The following ZNF749 variants were observed in gnomAD, a reference collection of about 807,000 sequenced individuals.
ZNF749 encodes the protein zinc finger protein 749.
Under a neutral mutation model 7.3 loss-of-function variants are expected in ZNF749, and 8 were observed. That is an observed-to-expected ratio of 1.10 (90% CI 0.64 to 1.98). ZNF749 has a LOEUF of 1.98. Among genes scored for constraint, ZNF749 ranks in the 30% most tolerant of loss-of-function variants. The pLI is 0.00. For synonymous variants in ZNF749, 310 were observed against 322.4 expected, an observed-to-expected ratio of 0.96 and a Z score of 0.41; for missense variants, 898 against 932.4, an observed-to-expected ratio of 0.96 and a Z score of 0.48.
chr19:57,433,618 CTT>C (rs1173115391), upstream of ZNF749, among the ~76,000 whole-genome samples: 56 of 136,062 alleles, frequency 4.1e-4, no homozygotes, highest in Admixed American at 5.2e-4. Context: ...TTAATTTTTC[CTT>C]TTTTTTTTTT....
rs187071753 is a variant in ZNF749 at position 57,445,671 on chromosome 19, G to A, written c.*186G>A. On this transcript the variant is annotated 3_prime_UTR_variant, in exon 3 of 3. Transcript: ENST00000334181. ...TGTCCAGGCGTGGTGGCTCACGCCT[G>A]TAATCCCAGCACTTTGGGAGGCAGA... 29 of 599,932 alleles carry A rather than the reference G, an allele frequency of 4.8e-5. No homozygotes were observed. In the East Asian group the frequency reaches 3.5e-3, roughly 73 times the overall value. 37.2% of individuals were successfully genotyped at this position (599,932 alleles called of 1,614,324 possible).
chr19:57,437,653 G>A (rs1018599387), intron 1 of ZNF749, among the ~76,000 whole-genome samples: 1 of 151,694 alleles, frequency 6.6e-6, no homozygotes, highest in Non-Finnish European at 1.5e-5. Context: ...GAACCCGGGA[G>A]GTGGAGGTTC....
At position 57,445,833 on chromosome 19, in the gene ZNF749, GCAGGGAGCAT is replaced by G. The variant is rs375127646; in HGVS notation, c.*351_*360del. ...AATCCCAGCTATTCAGGGGACTGAGGCAGGGAGCATCACTTGAACCTGGGAGGCGGAGGTT... is the reference window on the plus strand; with the variant it reads ...AATCCCAGCTATTCAGGGGACTGAGGCACTTGAACCTGGGAGGCGGAGGTT... On this transcript the variant is annotated 3_prime_UTR_variant, in exon 3 of 3. Transcript: ENST00000334181. Among the ~76,000 whole-genome samples the G allele has an allele frequency of 1.7e-4, 26 of 152,292 alleles. No individual in the cohort carries two copies. In the South Asian group the frequency reaches 3.7e-3, roughly 22 times the overall value.
At chr19:57,438,244 C>T (rs146680531) in intron 1 of ZNF749, 3 of 392,890 alleles carry the variant, frequency 7.6e-6, no homozygotes, top group African/African-American at 4.1e-5. Flanking sequence ...AAGGCAGTCA[C>T]GACCCAGGCA....
rs182109942 is a variant in ZNF749, at chr19:57,445,018, C to A, written c.1870C>A (p.Arg624Ser). ...CSKCGKFFRY[R>S]CTLSRHQKVH... ...CAAATGTGGGAAATTCTTTAGATATCGCTGTACACTGAGTAGACATCAGAA... is the reference window on the plus strand; with the variant it reads ...CAAATGTGGGAAATTCTTTAGATATAGCTGTACACTGAGTAGACATCAGAA... Residue 624 changes from arginine (R) to serine (S), a missense_variant, in exon 3 of 3, where the codon CGC (arginine) becomes AGC (serine). Coordinates refer to ENST00000334181, the MANE Select transcript of ZNF749 (RefSeq NM_001023561.4). 9 of 1,613,966 alleles carry A rather than the reference C, an allele frequency of 5.6e-6. No homozygotes were observed. The East Asian group carries it at 2.0e-4, about 36-fold the overall frequency.
In ZNF749 at chr19:57,443,454, C is replaced by T. The variant is rs368642630; in HGVS notation, c.306C>T (p.His102=). The T allele has an allele frequency of 2.2e-5, 36 of 1,614,098 alleles. No individual in the cohort carries two copies. Among genetic ancestry groups the T allele is most frequent in the South Asian group, 2.2e-4 (20 of 91,086 alleles). Residue 102 remains histidine (H), a synonymous_variant, in exon 3 of 3, where the codon CAC becomes CAT. Coordinates refer to ENST00000334181, the MANE Select transcript of ZNF749 (RefSeq NM_001023561.4). The part of the protein sequence containing the change: ...ILKDILHLAE[H]DGTHPEQGLY... ...AGGACATTCTGCACCTGGCTGAGCACGATGGAACACACCCTGAGCAAGGGC... is the reference window on the plus strand; with the variant it reads ...AGGACATTCTGCACCTGGCTGAGCATGATGGAACACACCCTGAGCAAGGGC...
upstream of ZNF749, among the ~76,000 whole-genome samples, chr19:57,435,107 A>G (rs930924476): frequency 6.6e-6 from 1 of 151,868 alleles, no homozygotes; most frequent in Admixed American, 6.6e-5. Flanking sequence ...ACGCTCCTCC[A>G]GGAGCCTCCA....
chr19:57,435,057 C>T (rs551119710), upstream of ZNF749, among the ~76,000 whole-genome samples: 142 of 152,338 alleles, frequency 9.3e-4, no homozygotes, highest in Non-Finnish European at 1.6e-3. Context: ...GTCAGCAAAG[C>T]CCCTCCACGT....
At chr19:57,433,618 CTTT>C (rs1173115391), upstream of ZNF749, among the ~76,000 whole-genome samples, 1 of 136,232 alleles carries the variant, frequency 7.3e-6, no homozygotes, top group Non-Finnish European at 1.6e-5. Context: ...TTAATTTTTC[CTTT>C]TTTTTTTTTT....
chr19:57,444,575 T>C lies in ZNF749; in HGVS notation c.1427T>C (p.Ile476Thr). ...KRSDLIQHKR[I>T]DIRPRPYTCS... Reference sequence around the variant, plus strand: ...TCTGACCTCATTCAACACAAGAGGATTGACATTAGGCCAAGGCCTTATACA... The same window carrying C: ...TCTGACCTCATTCAACACAAGAGGACTGACATTAGGCCAAGGCCTTATACA... Residue 476 changes from isoleucine to threonine, a missense_variant, in exon 3 of 3, where the codon ATT becomes ACT. Physicochemically the swap from Ile to Thr is moderately conservative, Grantham distance 89. Transcript: ENST00000334181. 1 of 1,613,364 alleles carries C rather than the reference T, an allele frequency of 6.2e-7. No individual in the cohort carries two copies. The highest frequency in any genetic ancestry group is 1.1e-5 in the South Asian group (1 of 91,030).
In ZNF749 at chr19:57,444,983, A is replaced by G. The variant is rs2089044682; in HGVS notation, c.1835A>G (p.Tyr612Cys). The G allele has an allele frequency of 6.2e-7, 1 of 1,614,222 alleles. No individual in the cohort carries two copies. Among genetic ancestry groups the G allele is most frequent in the Non-Finnish European group, 8.5e-7 (1 of 1,180,022 alleles). The change falls in exon 3 of 3, where the codon TAT (tyrosine) becomes TGT (cysteine). Residue 612 changes from tyrosine to cysteine, a missense_variant. Tyr to Cys is a radical substitution (Grantham distance 194). Coordinates refer to ENST00000334181, the MANE Select transcript of ZNF749 (RefSeq NM_001023561.4). Reference sequence around the variant, plus strand: ...AGAATTCACACTGGAGAAAAGCCTTATAAATGCAGCAAATGTGGGAAATTC... The same window carrying G: ...AGAATTCACACTGGAGAAAAGCCTTGTAAATGCAGCAAATGTGGGAAATTC... ...HQRIHTGEKP[Y>C]KCSKCGKFFR...
At position 57,443,542 on chromosome 19, in the gene ZNF749, A is replaced by G. The variant is rs142339196; in HGVS notation, c.394A>G (p.Arg132Gly). ...QKEQIREKLTRSDEWRPSFVN... is the reference protein window; with the variant it reads ...QKEQIREKLTGSDEWRPSFVN... ...GGAGCAGATTAGAGAGAAGCTCACCAGAAGTGATGAGTGGAGGCCTTCATT... is the reference window on the plus strand; with the variant it reads ...GGAGCAGATTAGAGAGAAGCTCACCGGAAGTGATGAGTGGAGGCCTTCATT... The change falls in exon 3 of 3, where the codon AGA becomes GGA. Residue 132 changes from arginine to glycine, a missense_variant. By Grantham distance (125) the Arg-to-Gly change is moderately radical (BLOSUM62 -2). Coordinates refer to ENST00000334181, the MANE Select transcript of ZNF749 (RefSeq NM_001023561.4). 13 of 1,614,152 alleles carry G rather than the reference A, an allele frequency of 8.1e-6. No homozygotes were observed. In the African/African-American group the frequency reaches 1.6e-4, roughly 20 times the overall value.
upstream of ZNF749, chr19:57,435,252 G>T: frequency 1.9e-6 from 1 of 529,762 alleles, no homozygotes; most frequent in Non-Finnish European, 3.4e-6. Flanking sequence ...AAGACACTGC[G>T]GGGGCAGGGC....
At chr19:57,430,019 G>A in the ZNF749 span, among the ~76,000 whole-genome samples, 1 of 152,038 alleles carries the variant, frequency 6.6e-6, no homozygotes, top group African/African-American at 2.4e-5. Context: ...GGTTTATTGT[G>A]GAAAAAGGTG....
At chr19:57,435,061 T>C (rs1259116208), upstream of ZNF749, among the ~76,000 whole-genome samples, 1 of 152,190 alleles carries the variant, frequency 6.6e-6, no homozygotes, top group African/African-American at 2.4e-5. Flanking sequence ...GCAAAGCCCC[T>C]CCACGTCCTT....
At chr19:57,432,955 A>T (rs1476032448), upstream of ZNF749, among the ~76,000 whole-genome samples, 1 of 152,250 alleles carries the variant, frequency 6.6e-6, no homozygotes, top group African/African-American at 2.4e-5. Context: ...GAGAACAAAC[A>T]TAGCCTATTA....
rs771316743 is a variant in ZNF749 at position 57,443,409 on chromosome 19, G to T, written c.261G>T (p.Lys87Asn). Residue 87 changes from lysine (K) to asparagine (N), a missense_variant, in exon 3 of 3, where the codon AAG becomes AAT. Lys to Asn is a moderately conservative substitution (Grantham distance 94, BLOSUM62 0). Transcript: ENST00000334181. ...ALSTLKAQPC[K>N]MCSSILKDIL... ...CCACCCTGAAGGCCCAGCCCTGCAA[G>T]ATGTGTAGCTCAATTCTGAAGGACA... is the stretch of plus-strand genomic sequence containing the variant. 4.3e-6 allele frequency: 7 copies of T among 1,614,134 alleles called. No homozygotes were observed. The South Asian group carries it at 6.6e-5, about 15-fold the overall frequency.
chr19:57,443,405 G>A lies in ZNF749; in HGVS notation c.257G>A (p.Cys86Tyr), dbSNP rs371519478. The change falls in exon 3 of 3, where the codon TGC becomes TAC. Residue 86 changes from cysteine to tyrosine, a missense_variant. By Grantham distance (194) the Cys-to-Tyr change is radical. Coordinates refer to ENST00000334181, the MANE Select transcript of ZNF749 (RefSeq NM_001023561.4). ...TTGTCCACCCTGAAGGCCCAGCCCT[G>A]CAAGATGTGTAGCTCAATTCTGAAG... is the stretch of plus-strand genomic sequence containing the variant. ...PALSTLKAQPCKMCSSILKDI... is the reference protein window; with the variant it reads ...PALSTLKAQPYKMCSSILKDI... 2.5e-6 allele frequency: 4 copies of A among 1,614,260 alleles called. No individual in the cohort carries two copies. The highest frequency in any genetic ancestry group is 3.4e-6 in the Non-Finnish European group (4 of 1,180,042).
At chr19:57,430,152 A>C in the ZNF749 span, among the ~76,000 whole-genome samples, 1 of 152,218 alleles carries the variant, frequency 6.6e-6, no homozygotes, top group Admixed American at 6.5e-5. Flanking sequence ...TCTATAACAG[A>C]ATACCACAGG....
Sources: gnomAD v4.1 joint callset for allele counts (sites outside exome capture counted in the v4.1 genomes callset) on GRCh38, gnomAD v4.1.1 for gene constraint, MANE v1.5 for transcripts, NCBI Gene and HGNC (gene_info 2026-07-23, HGNC 2026-07-21) for gene names.